Variants in CELF4 observed in about 807,000 individuals in gnomAD.
The protein encoded by CELF4 is CUG-BP- and ETR-3-like factor 4.
A neutral mutation model predicts 59.9 loss-of-function variants in CELF4; 18 were observed. The observed-to-expected ratio is 0.30, with a 90% CI of 0.21 to 0.45. The LOEUF is 0.45. Ranked by LOEUF, CELF4 falls within the 20% of genes least tolerant of loss-of-function variation. The pLI, the probability that CELF4 is intolerant of heterozygous loss-of-function variation, is 1.00. For synonymous variants in CELF4, 261 were observed against 267.1 expected, an observed-to-expected ratio of 0.98 and a Z score of 0.22; for missense variants, 456 against 689.0, an observed-to-expected ratio of 0.66 and a Z score of 3.79.
At chr18:37,307,504 C>G (rs965231840) in intron 3 of CELF4, among the ~76,000 whole-genome samples, 1 of 152,120 alleles carries the variant, frequency 6.6e-6, no homozygotes, top group Non-Finnish European at 1.5e-5. Context: ...ACCACCACAG[C>G]GGCCCTGCTA....
intron 1 of CELF4, among the ~76,000 whole-genome samples, chr18:37,549,152 G>A (rs1403266299): frequency 6.6e-6 from 1 of 152,208 alleles, no homozygotes. Flanking sequence ...CCCAAAGCCA[G>A]ATTTATTAGC....
At chr18:37,394,046 G>C (rs906432924) in intron 2 of CELF4, among the ~76,000 whole-genome samples, 1 of 152,120 alleles carries the variant, frequency 6.6e-6, no homozygotes, top group African/African-American at 2.4e-5. Context: ...CAGGGCGCGC[G>C]CGACAACTGG....
intron 1 of CELF4, among the ~76,000 whole-genome samples, chr18:37,509,374 G>A (rs1415470387): frequency 6.6e-6 from 1 of 152,244 alleles, no homozygotes; most frequent in Non-Finnish European, 1.5e-5. Context: ...TGTGTGTGGT[G>A]AAAAAATCCA....
chr18:37,284,003 A>AT (rs2094474075), intron 3 of CELF4, among the ~76,000 whole-genome samples: 4 of 71,094 alleles, frequency 5.6e-5, no homozygotes, highest in South Asian at 5.4e-4. Flanking sequence ...ACACAAACCC[A>AT]ACCACTCAAC....
intron 2 of CELF4, among the ~76,000 whole-genome samples, chr18:37,394,931 C>T (rs895229029): frequency 6.6e-6 from 1 of 151,098 alleles, no homozygotes; most frequent in Non-Finnish European, 1.5e-5. Context: ...GCCTTCCTGC[C>T]ATGCCCAAGA....
At chr18:37,387,296 G>A (rs2099109867) in intron 2 of CELF4, among the ~76,000 whole-genome samples, 1 of 152,222 alleles carries the variant, frequency 6.6e-6, no homozygotes. Context: ...CTCTGGGCCA[G>A]GCCTTGCTCC....
intron 2 of CELF4, among the ~76,000 whole-genome samples, chr18:37,401,574 GTGCAACCAAGACAC>G (rs2099327300): frequency 6.6e-6 from 1 of 152,170 alleles, no homozygotes. Context: ...TCTCTTGAGA[GTGCAACCAAGACAC>G]AGAAACATCC....
intron 1 of CELF4, among the ~76,000 whole-genome samples, chr18:37,540,716 C>T (rs956443569): frequency 2.6e-5 from 4 of 152,184 alleles, no homozygotes; most frequent in African/African-American, 9.7e-5. Context: ...GGGAAAGATG[C>T]TCCAAGAAAG....
intron 10 of CELF4, among the ~76,000 whole-genome samples, chr18:37,260,419 T>C (rs896194132): frequency 6.6e-6 from 1 of 152,236 alleles, no homozygotes; most frequent in African/African-American, 2.4e-5. Flanking sequence ...CTTGTGGTCA[T>C]TTCAATGATG....
intron 2 of CELF4, among the ~76,000 whole-genome samples, chr18:37,357,070 C>T (rs538828442): frequency 7.2e-5 from 11 of 152,290 alleles, no homozygotes; most frequent in African/African-American, 2.6e-4. Context: ...GCCTTTTAGC[C>T]TGAAATGCCC....
At chr18:37,451,935 C>T (rs992117849) in intron 2 of CELF4, among the ~76,000 whole-genome samples, 7 of 152,254 alleles carry the variant, frequency 4.6e-5, no homozygotes, top group South Asian at 2.1e-4. Context: ...GAGCCCAGGG[C>T]GGGGGATCCC....
At chr18:37,547,789 T>C (rs2099981937) in intron 1 of CELF4, among the ~76,000 whole-genome samples, 1 of 152,246 alleles carries the variant, frequency 6.6e-6, no homozygotes, top group African/African-American at 2.4e-5. Context: ...ATAAATTGTG[T>C]CTCTGGCCTT....
In CELF4 at chr18:37,368,184, G is replaced by A. The variant is rs536509664; in HGVS notation, c.370-46303C>T. 1.4e-4 allele frequency among the ~76,000 whole-genome samples: 22 copies of A among 152,116 alleles called. 1 individual carries two copies. Among genetic ancestry groups the A allele is most frequent in the Admixed American group, 4.6e-4 (7 of 15,276 alleles). On this transcript the variant is annotated intron_variant, in intron 2 of 12. Coordinates refer to ENST00000420428, the MANE Select transcript of CELF4 (RefSeq NM_020180.4). ...TCATTCAAGTATTCATCAATCCTTC[G>A]GGCGAGAACTCAGCCTTCCCCTGCC...
chr18:37,333,307 G>A (rs1462248502), intron 2 of CELF4, among the ~76,000 whole-genome samples: 1 of 151,932 alleles, frequency 6.6e-6, no homozygotes, highest in Non-Finnish European at 1.5e-5. Context: ...ACAAGCGACA[G>A]CTACCCTCTC....
intron 2 of CELF4, among the ~76,000 whole-genome samples, chr18:37,353,279 G>C (rs1304692725): frequency 6.7e-6 from 1 of 150,012 alleles, no homozygotes; most frequent in East Asian, 2.0e-4. Context: ...GGGGGGCTTA[G>C]GGACCAGGGG....
intron 1 of CELF4, among the ~76,000 whole-genome samples, chr18:37,530,392 C>T (rs1365783376): frequency 3.3e-5 from 5 of 152,094 alleles, no homozygotes; most frequent in African/African-American, 1.2e-4. Context: ...TGCCATCACC[C>T]CGTGCTTTTC....
At chr18:37,324,278 A>G (rs1380276556) in intron 2 of CELF4, among the ~76,000 whole-genome samples, 1 of 152,164 alleles carries the variant, frequency 6.6e-6, no homozygotes, top group Non-Finnish European at 1.5e-5. Context: ...TTGTGACTGT[A>G]TTTGGAAATG....
intron 1 of CELF4, among the ~76,000 whole-genome samples, chr18:37,510,960 C>T (rs1383897187): frequency 6.6e-6 from 1 of 152,172 alleles, no homozygotes; most frequent in African/African-American, 2.4e-5. Context: ...CTTGTGCAGC[C>T]TCTAGGCCAT....
intron 3 of CELF4, among the ~76,000 whole-genome samples, chr18:37,306,923 A>G (rs1343155975): frequency 1.3e-5 from 2 of 152,204 alleles, no homozygotes; most frequent in Admixed American, 6.5e-5. Flanking sequence ...TTGACAGGAC[A>G]GCATCGCTTC....
Sources: gnomAD v4.1 joint callset for allele counts (sites outside exome capture counted in the v4.1 genomes callset) on GRCh38, gnomAD v4.1.1 for gene constraint, MANE v1.5 for transcripts, NCBI Gene and HGNC (gene_info 2026-07-23, HGNC 2026-07-21) for gene names.